PAX2: variants seen among roughly 807,000 people sequenced by gnomAD.
The protein encoded by PAX2 is paired box 2.
A neutral mutation model predicts 41.7 loss-of-function variants in PAX2; 9 were observed. The observed-to-expected ratio is 0.22, with a 90% CI of 0.13 to 0.38. PAX2 has a LOEUF of 0.38. Among genes scored for constraint, PAX2 ranks in the 10% least tolerant of loss-of-function variants. The pLI is 1.00. For missense variants in PAX2, 418 were observed against 531.6 expected, an observed-to-expected ratio of 0.79 and a Z score of 2.10; for synonymous variants, 221 against 212.7, an observed-to-expected ratio of 1.04 and a Z score of -0.34.
intron 7 of PAX2, among the ~76,000 whole-genome samples, chr10:100,822,523 C>A (rs914666477): frequency 6.6e-6 from 1 of 152,172 alleles, no homozygotes; most frequent in Non-Finnish European, 1.5e-5. Context: ...CAGGATAAAG[C>A]AGAAGACAGG....
At chr10:100,815,108 A>C (rs1848143960) in intron 7 of PAX2, among the ~76,000 whole-genome samples, 1 of 152,084 alleles carries the variant, frequency 6.6e-6, no homozygotes, top group South Asian at 2.1e-4. Flanking sequence ...TCCTCCTCCT[A>C]CTCAGGGCAT....
At chr10:100,785,399 G>T (rs59172398) in intron 5 of PAX2, among the ~76,000 whole-genome samples, 4,827 of 152,244 alleles carry the variant, frequency 0.032, 273 homozygotes, top group African/African-American at 0.11. Flanking sequence ...ATCCTTTGAG[G>T]TGTGAGATTG....
At chr10:100,784,423 C>T (rs1390551435) in intron 5 of PAX2, among the ~76,000 whole-genome samples, 1 of 152,202 alleles carries the variant, frequency 6.6e-6, no homozygotes, top group Non-Finnish European at 1.5e-5. Context: ...CATCTCCCTC[C>T]AGGAGGACCC....
In PAX2 at chr10:100,828,029, A is replaced by C. The variant is rs1046667097; in HGVS notation, c.*410A>C. 1.2e-5 allele frequency: 3 copies of C among 251,730 alleles called. No individual in the cohort carries two copies. The highest frequency in any genetic ancestry group is 4.4e-5 in the African/African-American group (2 of 45,064). The allele number at this position is 251,730 out of a possible 1,614,324, so 15.6% of individuals were successfully genotyped here. On this transcript the variant is annotated 3_prime_UTR_variant, in exon 10 of 10. Transcript: ENST00000355243. This position sits in a 1 kb window ranked among gnomAD's most constrained non-coding sequence, Gnocchi z 6.5. ...TTTCTGTGACACACAATCAGCGCGG[A>C]CCGCAGCGCGGCCCAGCCCCGGGCA...
At chr10:100,744,653 C>A (rs1446543174), upstream of PAX2, among the ~76,000 whole-genome samples, 1 of 152,226 alleles carries the variant, frequency 6.6e-6, no homozygotes, top group East Asian at 1.9e-4. Context: ...CCTCGTCTCC[C>A]ACATCCTCTG....
chr10:100,746,103 A>C lies in PAX2; in HGVS notation c.-158A>C, dbSNP rs976241658. On this transcript the variant is annotated 5_prime_UTR_variant, in exon 1 of 10. Transcript: ENST00000355243. The stretch of plus-strand genomic sequence containing the variant: ...CCGGAGGAGCCCCAGCGGGGAGCGC[A>C]GTGCTGCGCCCCCCGCCCCCGCGCG... The C allele has an allele frequency of 2.6e-6, 4 of 1,543,990 alleles. No individual in the cohort carries two copies. The African/African-American group carries it at 4.2e-5, about 16-fold the overall frequency.
At chr10:100,820,814 G>A (rs1200601971) in intron 7 of PAX2, among the ~76,000 whole-genome samples, 2 of 152,184 alleles carry the variant, frequency 1.3e-5, no homozygotes, top group East Asian at 1.9e-4. Context: ...TTGTCCATTT[G>A]TAATTTCTGA....
rs192001658 is a variant in PAX2, at chr10:100,781,152, T to C, written c.497-94T>C. ...GCTCCTCATCCCTCCTTATGTCCTC[T>C]GCTTCTCTCTGCCCCCCAGCCTTGG... On this transcript the variant is annotated intron_variant, in intron 4 of 9. Coordinates refer to ENST00000355243, the MANE Select transcript of PAX2 (RefSeq NM_000278.5). The C allele has an allele frequency of 5.7e-4, 723 of 1,266,612 alleles. 6 individuals carry two copies. In the African/African-American group the frequency reaches 8.7e-3, roughly 15 times the overall value. 78.5% of individuals were successfully genotyped at this position (1,266,612 alleles called of 1,614,324 possible).
intron 3 of PAX2, among the ~76,000 whole-genome samples, chr10:100,767,761 A>G (rs1846076041): frequency 6.6e-6 from 1 of 152,216 alleles, no homozygotes; most frequent in South Asian, 2.1e-4. Context: ...TGTGACTCGC[A>G]CGAGTCAGGA....
At chr10:100,737,184 G>A (rs1290851961) in intron 1 of PAX2, among the ~76,000 whole-genome samples, 2 of 152,210 alleles carry the variant, frequency 1.3e-5, no homozygotes, top group Non-Finnish European at 2.9e-5. Context: ...CAGGCCTGAG[G>A]TTTGTGAACC....
chr10:100,749,257 G>A lies in PAX2; in HGVS notation c.44-489G>A, dbSNP rs1330577204. Reference sequence around the variant, plus strand: ...ATCCCCTGTCTGTGCTAGGAGCTCGGATAAACAGTCAGCCGAGCCTCGACG... The same window carrying A: ...ATCCCCTGTCTGTGCTAGGAGCTCGAATAAACAGTCAGCCGAGCCTCGACG... On this transcript the variant is annotated intron_variant, in intron 1 of 9. Transcript: ENST00000355243. 1.0e-5 allele frequency: 10 copies of A among 993,502 alleles called. No individual in the cohort carries two copies. The Admixed American group carries it at 1.8e-4, about 18-fold the overall frequency. The allele number at this position is 993,502 out of a possible 1,614,324, so 61.5% of individuals were successfully genotyped here. A position where few individuals can be genotyped will look rare whatever the true frequency, so the allele number is the denominator to read the frequency against.
chr10:100,777,020 TG>T (rs1409879704), intron 3 of PAX2, among the ~76,000 whole-genome samples: 1 of 152,022 alleles, frequency 6.6e-6, no homozygotes, highest in Non-Finnish European at 1.5e-5. Context: ...TCCTACATGT[TG>T]GGGGCAGGAT....
At chr10:100,769,643 A>ATAAAC (rs1846142889) in intron 3 of PAX2, among the ~76,000 whole-genome samples, 1 of 148,872 alleles carries the variant, frequency 6.7e-6, no homozygotes, top group African/African-American at 2.5e-5. Context: ...ATAAAATAAA[A>ATAAAC]TAAAATAAAA....
chr10:100,746,712 TTC>T (rs1433363942), intron 1 of PAX2, among the ~76,000 whole-genome samples: 1 of 152,192 alleles, frequency 6.6e-6, no homozygotes, highest in Non-Finnish European at 1.5e-5. Context: ...TCTCTGTCTT[TTC>T]TCTCTTTCTC....
rs1848656238 is a variant in PAX2, at chr10:100,828,210, C to T, written c.*591C>T. 1 of 233,290 alleles carries T rather than the reference C, an allele frequency of 4.3e-6. No individual in the cohort carries two copies. Among genetic ancestry groups the T allele is most frequent in the African/African-American group, 2.2e-5 (1 of 45,410 alleles). 14.5% of individuals were successfully genotyped at this position (233,290 alleles called of 1,614,324 possible). A position where few individuals can be genotyped will look rare whatever the true frequency, so the allele number is the denominator to read the frequency against. On this transcript the variant is annotated 3_prime_UTR_variant, in exon 10 of 10. Transcript: ENST00000355243. This position sits in a 1 kb window ranked among gnomAD's most constrained non-coding sequence, Gnocchi z 6.5. The stretch of plus-strand genomic sequence containing the variant: ...TGCCAGCCGGACTGCCCTCGCCTTC[C>T]GGGTGTGCCCTGTCCCAGAAGATGG...
chr10:100,735,715 G>A (rs1472347681), exon 1 of PAX2: 1 of 1,050,544 alleles, frequency 9.5e-7, no homozygotes, highest in Non-Finnish European at 1.1e-6. Context: ...TAGCATGGAA[G>A]AGCGCGCGGG....
chr10:100,812,408 G>C (rs1182280913), intron 7 of PAX2, among the ~76,000 whole-genome samples: 6 of 152,190 alleles, frequency 3.9e-5, no homozygotes, highest in African/African-American at 1.4e-4. Context: ...AAAGAAAGAG[G>C]GACCAGCTAC....
Position 100,750,244 on chromosome 10 carries a change from G to T in PAX2, c.212+330G>T, listed in dbSNP as rs1287829331. On this transcript the variant is annotated intron_variant, in intron 2 of 9. Coordinates refer to ENST00000355243, the MANE Select transcript of PAX2 (RefSeq NM_000278.5). This position sits in a 1 kb window ranked among gnomAD's most constrained non-coding sequence, Gnocchi z 4.1. ...TGGGAGACATTAGAGGAATGGGGGG[G>T]GAGTGAAAATGGGTCCCCGAGAGGA... Among the ~76,000 whole-genome samples the T allele has an allele frequency of 1.3e-5, 2 of 152,032 alleles. No homozygotes were observed. The highest frequency in any genetic ancestry group is 2.9e-5 in the Non-Finnish European group (2 of 68,028).
chr10:100,792,695 T>A (rs1471335067), intron 5 of PAX2, among the ~76,000 whole-genome samples: 1 of 152,102 alleles, frequency 6.6e-6, no homozygotes, highest in East Asian at 1.9e-4. Flanking sequence ...AAGGATGGCG[T>A]TGGTCCTTTC....
Sources: allele counts gnomAD v4.1 joint callset (sites outside exome capture counted in the v4.1 genomes callset), GRCh38; gene constraint gnomAD v4.1.1; non-coding constraint Gnocchi (gnomAD v3.1); transcripts MANE v1.5; gene names NCBI Gene and HGNC (gene_info 2026-07-23, HGNC 2026-07-21).